INVS: variants seen among roughly 807,000 people sequenced by gnomAD.
The protein encoded by INVS is inversion of embryo turning homolog.
In INVS, 86 loss-of-function variants were observed where a neutral mutation model predicts 108.8. That is an observed-to-expected ratio of 0.79 (90% CI 0.66 to 0.95). The LOEUF is 0.95. Ranked by LOEUF, INVS falls within the 40% of genes least tolerant of loss-of-function variation. The pLI, the probability that INVS is intolerant of heterozygous loss-of-function variation, is 0.00. For synonymous variants in INVS, 455 were observed against 473.5 expected (o/e 0.96, Z 0.51); for missense variants, 1,169 against 1,297.4 (o/e 0.90, Z 1.52).
At chr9:100,172,195 G>A (rs1829562928) in intron 3 of INVS, among the ~76,000 whole-genome samples, 1 of 152,024 alleles carries the variant, frequency 6.6e-6, no homozygotes, top group South Asian at 2.1e-4. Context: ...AATAACATTG[G>A]ACCCTTACTT....
At chr9:100,293,833 G>A (rs764688433) in intron 14 of INVS, among the ~76,000 whole-genome samples, 5 of 152,202 alleles carry the variant, frequency 3.3e-5, no homozygotes, top group Non-Finnish European at 5.9e-5. Context: ...GCCTTACAGT[G>A]ATGAATGTCC....
intron 13 of INVS, among the ~76,000 whole-genome samples, chr9:100,286,488 C>T (rs1377016733): frequency 6.6e-6 from 1 of 152,174 alleles, no homozygotes; most frequent in Non-Finnish European, 1.5e-5. Flanking sequence ...TTGCAGTGAA[C>T]CGAGATTGCG....
intron 11 of INVS, among the ~76,000 whole-genome samples, chr9:100,270,552 C>T (rs1298020188): frequency 6.6e-6 from 1 of 151,858 alleles, no homozygotes; most frequent in Non-Finnish European, 1.5e-5. Flanking sequence ...CGAGACCAGC[C>T]TGACCAATAT....
intron 11 of INVS, among the ~76,000 whole-genome samples, chr9:100,266,281 C>T (rs866677022): frequency 2.6e-5 from 4 of 152,046 alleles, no homozygotes; most frequent in Admixed American, 6.5e-5. Flanking sequence ...GAATTCAGGG[C>T]GACTTTTGCA....
rs757019335 is a variant in INVS at position 100,292,984 on chromosome 9, GA to G, written c.2729del (p.Lys910ArgfsTer33). On this transcript the variant is annotated frameshift_variant, in exon 14 of 17. Transcript: ENST00000262457. LOFTEE classifies it high-confidence loss of function. ...LQIIQRERRR[K>X]ELFRKKNKAA... ...AGATAATTCAGAGAGAACGAAGGAGGAAGGAGCTGTTTCGCAAAAAGAACAA... is the reference window on the plus strand; with the variant it reads ...AGATAATTCAGAGAGAACGAAGGAGGAGGAGCTGTTTCGCAAAAAGAACAA... 1.2e-6 allele frequency: 2 copies of G among 1,613,868 alleles called. No individual in the cohort carries two copies. Among genetic ancestry groups the G allele is most frequent in the Non-Finnish European group, 1.7e-6 (2 of 1,179,750 alleles).
intron 3 of INVS, among the ~76,000 whole-genome samples, chr9:100,186,656 T>C (rs1161236195): frequency 6.6e-6 from 1 of 152,052 alleles, no homozygotes; most frequent in East Asian, 1.9e-4. Context: ...TGGCCATTTG[T>C]ATATCTTTTT....
At chr9:100,115,133 A>G (rs2118854884) in intron 2 of INVS, among the ~76,000 whole-genome samples, 1 of 152,226 alleles carries the variant, frequency 6.6e-6, no homozygotes, top group East Asian at 1.9e-4. Context: ...GATTGTTTTC[A>G]TTTTAGCCAT....
chr9:100,151,533 G>A (rs1013657407), intron 3 of INVS, among the ~76,000 whole-genome samples: 10 of 151,940 alleles, frequency 6.6e-5, no homozygotes, highest in African/African-American at 2.4e-4. Context: ...AAAGGAAAGC[G>A]CTAAGAGATG....
At position 100,292,206 on chromosome 9, in the gene INVS, C is replaced by T; in HGVS notation, c.2069-120C>T. ...GAAGTTAAACCGTTTTTTTCCTAGT[C>T]TGTAACTGCCACTATTATGGTGATG... On this transcript the variant is annotated intron_variant, in intron 13 of 16. Transcript: ENST00000262457. The T allele has an allele frequency of 4.4e-6, 4 of 914,680 alleles. No homozygotes were observed. The Admixed American group carries it at 5.6e-5, about 13-fold the overall frequency. The allele number at this position is 914,680 out of a possible 1,614,324, so 56.7% of individuals were successfully genotyped here. A position where few individuals can be genotyped will look rare whatever the true frequency, so the allele number is the denominator to read the frequency against.
intron 5 of INVS, among the ~76,000 whole-genome samples, chr9:100,239,662 C>A (rs1035141998): frequency 6.6e-6 from 1 of 152,038 alleles, no homozygotes; most frequent in African/African-American, 2.4e-5. Context: ...GGTCTTATTT[C>A]GAAAATTCCT....
intron 10 of INVS, among the ~76,000 whole-genome samples, chr9:100,254,101 C>T (rs1001888755): frequency 2.6e-5 from 4 of 152,098 alleles, no homozygotes; most frequent in East Asian, 1.9e-4. Context: ...TTTTAATGAT[C>T]GCCATTCTAA....
intron 2 of INVS, chr9:100,121,016 C>T (rs1302052308): frequency 6.6e-6 from 1 of 152,146 alleles, no homozygotes; most frequent in Non-Finnish European, 1.5e-5. Flanking sequence ...CCAGAAAGAG[C>T]CTGAAAACCT....
intron 12 of INVS, among the ~76,000 whole-genome samples, chr9:100,276,513 C>T (rs551606490): frequency 1.2e-4 from 18 of 152,134 alleles, no homozygotes; most frequent in African/African-American, 3.4e-4. Flanking sequence ...TACAAACCCT[C>T]GTTCTTCTTT....
chr9:100,168,425 C>A (rs753862463), intron 3 of INVS, among the ~76,000 whole-genome samples: 2 of 152,124 alleles, frequency 1.3e-5, no homozygotes, highest in Non-Finnish European at 2.9e-5. Flanking sequence ...ACTTGTTGTG[C>A]CATTTGGCCT....
chr9:100,205,145 G>A (rs1478238049), intron 3 of INVS, among the ~76,000 whole-genome samples: 1 of 152,156 alleles, frequency 6.6e-6, no homozygotes, highest in Non-Finnish European at 1.5e-5. Flanking sequence ...TTGGTGTATG[G>A]GGGTTCACAT....
chr9:100,202,832 G>A (rs530009822), intron 3 of INVS, among the ~76,000 whole-genome samples: 8 of 152,272 alleles, frequency 5.3e-5, no homozygotes, highest in African/African-American at 1.4e-4. Flanking sequence ...ATTTATTGTG[G>A]GCTATCAGAA....
At position 100,100,688 on chromosome 9, in the gene INVS, T is replaced by C. The variant is rs1197211415; in HGVS notation, c.-25+1272T>C. On this transcript the variant is annotated intron_variant, in intron 1 of 16. Coordinates refer to ENST00000262457, the MANE Select transcript of INVS (RefSeq NM_014425.5). ...ATTATATATGTACATATAATATATA[T>C]ATTATATATGTACATATAATATATA... is the stretch of plus-strand genomic sequence containing the variant. 1.2e-4 allele frequency among the ~76,000 whole-genome samples: 4 copies of C among 33,092 alleles called. 2 individuals carry two copies. Among genetic ancestry groups the C allele is most frequent in the African/African-American group, 9.7e-4 (4 of 4,126 alleles). 21.7% of individuals were successfully genotyped at this position (33,092 alleles called of 152,430 possible).
chr9:100,292,710 C>T lies in INVS; in HGVS notation c.2453C>T (p.Ala818Val), dbSNP rs115324411. The T allele has an allele frequency of 1.9e-5, 31 of 1,614,108 alleles. No individual in the cohort carries two copies. The East Asian group carries it at 5.8e-4, about 30-fold the overall frequency. The part of the protein sequence containing the change: ...SSRPGSARGE[A>V]VHAGQNPPHH... ...CGCCCTGGCAGTGCCCGGGGGGAGGCGGTCCATGCTGGGCAGAATCCTCCC... is the reference window on the plus strand; with the variant it reads ...CGCCCTGGCAGTGCCCGGGGGGAGGTGGTCCATGCTGGGCAGAATCCTCCC... The change falls in exon 14 of 17, where the codon GCG becomes GTG. Residue 818 changes from alanine to valine, a missense_variant. Coordinates refer to ENST00000262457, the MANE Select transcript of INVS (RefSeq NM_014425.5).
chr9:100,163,503 G>C (rs1036739865), intron 3 of INVS, among the ~76,000 whole-genome samples: 3 of 152,012 alleles, frequency 2.0e-5, no homozygotes, highest in African/African-American at 7.2e-5. Context: ...AAAAATCCCT[G>C]ACTTCAAAGA....
Sources: allele counts gnomAD v4.1 joint callset (sites outside exome capture counted in the v4.1 genomes callset), GRCh38; gene constraint gnomAD v4.1.1; transcripts MANE v1.5; gene names NCBI Gene and HGNC (gene_info 2026-07-23, HGNC 2026-07-21).